BCAR3: variants seen among roughly 807,000 people sequenced by gnomAD.
BCAR3 encodes breast cancer anti-estrogen resistance protein 3.
Under a neutral mutation model 80.1 loss-of-function variants are expected in BCAR3, and 37 were observed. The observed-to-expected ratio is 0.46, with a 90% confidence interval of 0.36 to 0.61. The LOEUF is 0.61. Ranked by LOEUF, BCAR3 falls within the 20% of genes least tolerant of loss-of-function variation. The pLI, the probability that BCAR3 is intolerant of heterozygous loss-of-function variation, is 0.00. For synonymous variants in BCAR3, 389 were observed against 418.9 expected (o/e 0.93, Z 0.87); for missense variants, 978 against 1,068.2 (o/e 0.92, Z 1.18).
At chr1:93,688,313 C>T (rs927715289) in intron 3 of BCAR3, among the ~76,000 whole-genome samples, 2 of 152,188 alleles carry the variant, frequency 1.3e-5, no homozygotes, top group African/African-American at 4.8e-5. Flanking sequence ...CAAAGTACAC[C>T]TCAACCTGAT....
At chr1:93,661,334 C>T (rs774965970) in intron 2 of BCAR3, among the ~76,000 whole-genome samples, 1 of 151,998 alleles carries the variant, frequency 6.6e-6, no homozygotes, top group African/African-American at 2.4e-5. Flanking sequence ...CCACTGCACC[C>T]GGCCTACAAA....
rs544005623 is a variant in BCAR3 at position 93,624,314 on chromosome 1, G to T, written c.357+17990C>A. ...GGCCAGGTGAGCTTTTCCCGGTACA[G>T]TCACCTGCGAGGGCAACCCTCATGA... On this transcript the variant is annotated intron_variant, in intron 3 of 11. Coordinates refer to ENST00000260502, the MANE Select transcript of BCAR3 (RefSeq NM_003567.4). Among the ~76,000 whole-genome samples the T allele has an allele frequency of 7.2e-5, 11 of 152,354 alleles. No individual in the cohort carries two copies. In the South Asian group the frequency reaches 2.3e-3, roughly 32 times the overall value.
chr1:93,633,487 A>G (rs1263961410), intron 3 of BCAR3, among the ~76,000 whole-genome samples: 1 of 152,208 alleles, frequency 6.6e-6, no homozygotes, highest in Non-Finnish European at 1.5e-5. Flanking sequence ...ATATCTGTTG[A>G]ATGAGCCACT....
intron 2 of BCAR3, among the ~76,000 whole-genome samples, chr1:93,712,249 C>T (rs530690128): frequency 6.6e-6 from 1 of 152,240 alleles, no homozygotes; most frequent in African/African-American, 2.4e-5. Flanking sequence ...CTGGTTCACC[C>T]AGCCTGTCCC....
chr1:93,564,129 TGTA>T (rs1020381316), intron 11 of BCAR3, among the ~76,000 whole-genome samples: 1 of 152,196 alleles, frequency 6.6e-6, no homozygotes, highest in African/African-American at 2.4e-5. Context: ...CCTTCTCTGA[TGTA>T]GTGTCTATTC....
chr1:93,749,934 A>T (rs1325868730), intron 2 of BCAR3, among the ~76,000 whole-genome samples: 1 of 143,018 alleles, frequency 7.0e-6, no homozygotes, highest in Non-Finnish European at 1.5e-5. Flanking sequence ...GAAATGTTTC[A>T]GCTTAAAGAT....
Position 93,811,315 on chromosome 1 carries a change from G to T in BCAR3, c.-63+34252C>A, listed in dbSNP as rs1653832749. 2.6e-5 allele frequency among the ~76,000 whole-genome samples: 4 copies of T among 152,148 alleles called. No homozygotes were observed. The South Asian group carries it at 6.2e-4, about 24-fold the overall frequency. On this transcript the variant is annotated intron_variant, in intron 2 of 13. Coordinates refer to the BCAR3 transcript ENST00000370244. ...TAAACCTAAGTGGAGAGGGGTGAAT[G>T]CTGTAGCAGGGAAGAAAGGGAGGGT... is the stretch of plus-strand genomic sequence containing the variant.
chr1:93,603,955 G>C (rs1219488358), intron 3 of BCAR3, among the ~76,000 whole-genome samples: 1 of 152,224 alleles, frequency 6.6e-6, no homozygotes, highest in Non-Finnish European at 1.5e-5. Context: ...ATAAGTTTTA[G>C]CATTCTGAAA....
At position 93,614,237 on chromosome 1, in the gene BCAR3, G is replaced by C. The variant is rs960120967; in HGVS notation, c.358-21844C>G. On this transcript the variant is annotated intron_variant, in intron 3 of 11. Transcript: ENST00000260502. Reference sequence around the variant, plus strand: ...TCTGATGAAATTCTAACCCCTCTTAGAAGAGGCCTTGGGCTTTAGCTGTCC... The same window carrying C: ...TCTGATGAAATTCTAACCCCTCTTACAAGAGGCCTTGGGCTTTAGCTGTCC... The C allele has an allele frequency of 5.0e-6, 5 of 1,004,508 alleles. No individual in the cohort carries two copies. The African/African-American group carries it at 5.0e-5, about 10-fold the overall frequency. The allele number at this position is 1,004,508 out of a possible 1,614,324, so 62.2% of individuals were successfully genotyped here. A position where few individuals can be genotyped will look rare whatever the true frequency, so the allele number is the denominator to read the frequency against.
intron 1 of BCAR3, among the ~76,000 whole-genome samples, chr1:93,675,925 C>CAAAAAAAAAAAAAAGAAAA (rs1648458871): frequency 1.9e-5 from 1 of 51,440 alleles, no homozygotes; most frequent in Non-Finnish European, 4.2e-5. Context: ...AAATAGGAGA[C>CAAAAAAAAAAAAAAGAAAA]AAAAAAAAAA....
At position 93,592,033 on chromosome 1, in the gene BCAR3, T is replaced by A. The variant is rs933993996; in HGVS notation, c.486+232A>T. Reference sequence around the variant, plus strand: ...CTGTGCTTGCAGACCCCAGGAGCGCTGGCTGTCCCTTCACTTCCTGAACAT... The same window carrying A: ...CTGTGCTTGCAGACCCCAGGAGCGCAGGCTGTCCCTTCACTTCCTGAACAT... On this transcript the variant is annotated intron_variant, in intron 4 of 11. Transcript: ENST00000260502. The surrounding 1 kb of genome is among the most constrained non-coding windows in gnomAD (Gnocchi z 4.8). Among the ~76,000 whole-genome samples the A allele has an allele frequency of 1.3e-5, 2 of 152,264 alleles. No individual in the cohort carries two copies. The highest frequency in any genetic ancestry group is 2.9e-5 in the Non-Finnish European group (2 of 68,042).
chr1:93,708,937 G>A (rs145291385), intron 2 of BCAR3, among the ~76,000 whole-genome samples: 2 of 152,302 alleles, frequency 1.3e-5, no homozygotes, highest in Admixed American at 6.5e-5. Context: ...GTTGATGCTC[G>A]TGGGGATCAG....
At chr1:93,837,611 T>C (rs767002038) in intron 2 of BCAR3, among the ~76,000 whole-genome samples, 3 of 152,252 alleles carry the variant, frequency 2.0e-5, no homozygotes, top group Non-Finnish European at 4.4e-5. Context: ...TTGTTGCAGC[T>C]CTGAGACTGC....
At chr1:93,634,432 C>T (rs563676962) in intron 3 of BCAR3, among the ~76,000 whole-genome samples, 1 of 152,060 alleles carries the variant, frequency 6.6e-6, no homozygotes, top group South Asian at 2.1e-4. Context: ...TGGCTCATGC[C>T]TATAATCCCA....
intron 2 of BCAR3, among the ~76,000 whole-genome samples, chr1:93,741,049 G>A (rs1000043970): frequency 2.6e-5 from 4 of 152,128 alleles, no homozygotes; most frequent in African/African-American, 9.7e-5. Context: ...GTCCTTGCTC[G>A]GCTGACATCA....
At chr1:93,707,157 A>C (rs1187490660) in intron 2 of BCAR3, among the ~76,000 whole-genome samples, 1 of 152,130 alleles carries the variant, frequency 6.6e-6, no homozygotes, top group African/African-American at 2.4e-5. Flanking sequence ...CCTAGGTGAC[A>C]ACAGCAAGAC....
At chr1:93,657,213 T>C (rs567849229) in intron 2 of BCAR3, among the ~76,000 whole-genome samples, 4 of 152,196 alleles carry the variant, frequency 2.6e-5, no homozygotes, top group Non-Finnish European at 4.4e-5. Context: ...TTTTTTCCCA[T>C]CAGCATTTGT....
chr1:93,749,586 C>CA (rs1160570100), intron 2 of BCAR3, among the ~76,000 whole-genome samples: 6,177 of 69,170 alleles, frequency 0.089, 505 homozygotes, highest in African/African-American at 0.26. Flanking sequence ...GAGACTCCGT[C>CA]AAAAAAAAAA....
intron 2 of BCAR3, among the ~76,000 whole-genome samples, chr1:93,780,021 A>G (rs1313217981): frequency 1.3e-5 from 2 of 151,992 alleles, no homozygotes; most frequent in East Asian, 3.9e-4. Context: ...CCTCCTTCCC[A>G]CTGACCTCAT....
Sources: gnomAD v4.1 joint callset for allele counts (sites outside exome capture counted in the v4.1 genomes callset) on GRCh38, gnomAD v4.1.1 for gene constraint, Gnocchi (gnomAD v3.1) non-coding constraint, MANE v1.5 for transcripts, NCBI Gene and HGNC (gene_info 2026-07-23, HGNC 2026-07-21) for gene names.